GAK: variants seen among roughly 807,000 people sequenced by gnomAD.
The protein encoded by GAK is cyclin G associated kinase, also known as cyclin-G-associated kinase.
A neutral mutation model predicts 143.9 loss-of-function variants in GAK; 79 were observed. That is an observed-to-expected ratio of 0.55 (90% CI 0.46 to 0.66). The LOEUF (loss-of-function observed/expected upper bound fraction) is 0.66, where lower values mean the gene tolerates loss of function less well. GAK is among the 30% of genes least tolerant of loss of function. The probability of loss-of-function intolerance (pLI) is 0.00; values close to 1 mark genes in which losing one functional copy is unlikely to be tolerated. For missense variants in GAK, 1,693 were observed against 1,779.7 expected (o/e 0.95, Z 0.88); for synonymous variants, 881 against 765.5 (o/e 1.15, Z -2.49).
In GAK at chr4:883,354, C is replaced by T. The variant is rs908891182; in HGVS notation, c.1365G>A (p.Leu455=). Residue 455 remains leucine, a synonymous_variant, in exon 13 of 28, where the codon CTG becomes CTA. Coordinates refer to ENST00000314167, the MANE Select transcript of GAK (RefSeq NM_005255.4). The part of the protein sequence containing the change: ...KHPGHYAVYN[L]SPRTYRPSRF... ...TGGAGGGCCGGTAGGTCCTCGGGGA[C>T]AGGTTGTAGACGGCATAGTGCCCTG... 6.2e-7 allele frequency: 1 copy of T among 1,613,650 alleles called. No homozygotes were observed. The highest frequency in any genetic ancestry group is 8.5e-7 in the Non-Finnish European group (1 of 1,180,008).
At chr4:916,770 T>G (rs1439972739) in intron 1 of GAK, among the ~76,000 whole-genome samples, 2 of 152,232 alleles carry the variant, frequency 1.3e-5, no homozygotes, top group African/African-American at 4.8e-5. Context: ...ACAATCACTC[T>G]GGAAAACATG....
chr4:902,318 T>A (rs368700495), intron 5 of GAK, among the ~76,000 whole-genome samples: 1 of 151,408 alleles, frequency 6.6e-6, no homozygotes, highest in Non-Finnish European at 1.5e-5. Flanking sequence ...CTTTAAAACT[T>A]TGGCAGCCTG....
At chr4:881,138 C>T (rs1490066333) in intron 15 of GAK, among the ~76,000 whole-genome samples, 1 of 152,208 alleles carries the variant, frequency 6.6e-6, no homozygotes, top group Non-Finnish European at 1.5e-5. Context: ...CTGTGCGCCC[C>T]ATCCAGAGGG....
chr4:877,551 C>T (rs536270102), intron 16 of GAK, 64 bp downstream of exon 16: 9 of 1,497,118 alleles, frequency 6.0e-6, no homozygotes, highest in Non-Finnish European at 7.2e-6. Flanking sequence ...CAGGGTTCCT[C>T]TTTAACGGTT....
intron 18 of GAK, among the ~76,000 whole-genome samples, chr4:874,929 C>G (rs1713523813): frequency 6.6e-6 from 1 of 152,202 alleles, no homozygotes. Flanking sequence ...TCTACCAATT[C>G]AGAGTCTGTT....
At chr4:882,177 G>A in intron 14 of GAK, 137 bp from the exon 15 acceptor site, 1 of 984,046 alleles carries the variant, frequency 1.0e-6, no homozygotes, top group Non-Finnish European at 1.5e-6. Context: ...ATATGTTTAG[G>A]GAGCTACATA....
At chr4:916,685 C>T (rs1008515785) in intron 1 of GAK, among the ~76,000 whole-genome samples, 1 of 152,146 alleles carries the variant, frequency 6.6e-6, no homozygotes, top group Non-Finnish European at 1.5e-5. Flanking sequence ...ATTTAAAAAC[C>T]GCCCAGACCA....
Position 865,030 on chromosome 4 carries a change from G to GA in GAK, c.3166+91dup, listed in dbSNP as rs1183080989. 4.0e-6 allele frequency: 6 copies of GA among 1,503,618 alleles called. No homozygotes were observed. The East Asian group carries it at 1.4e-4, about 35-fold the overall frequency. 93.1% of individuals were successfully genotyped at this position (1,503,618 alleles called of 1,614,324 possible). A position where few individuals can be genotyped will look rare whatever the true frequency, so the allele number is the denominator to read the frequency against. On this transcript the variant is annotated intron_variant, in intron 23 of 27. Coordinates refer to ENST00000314167, the MANE Select transcript of GAK (RefSeq NM_005255.4). ...CAGCCCTTCCTTCCTTCTCTGCGCA[G>GA]AGAGGGCCCTGTTACAGGTACGTGT...
rs747428729 is a variant in GAK, at chr4:890,539, G to A, written c.1074C>T (p.Tyr358=). The change falls in exon 10 of 28, where the codon TAC becomes TAT. Residue 358 remains tyrosine (Y), a synonymous_variant. Coordinates refer to ENST00000314167, the MANE Select transcript of GAK (RefSeq NM_005255.4). ...PPPVGPAGSG[Y]SGGLALAEYD... is the part of the protein sequence containing the mutation. ...ACAGGACAGGGCACTCACCTCCACT[G>A]TAGCCACTGCCAGCGGGGCCCACGG... The A allele has an allele frequency of 2.1e-5, 33 of 1,607,598 alleles. No homozygotes were observed. The highest frequency in any genetic ancestry group is 2.7e-5 in the African/African-American group (2 of 74,790).
chr4:929,925 G>C (rs1174935626), intron 1 of GAK, among the ~76,000 whole-genome samples: 4 of 152,198 alleles, frequency 2.6e-5, no homozygotes, highest in Admixed American at 2.0e-4. Flanking sequence ...ATCCCACAGT[G>C]AGAATATTTA....
intron 5 of GAK, among the ~76,000 whole-genome samples, chr4:904,306 G>A (rs7689271): frequency 4.2e-5 from 1 of 23,958 alleles, no homozygotes; most frequent in Non-Finnish European, 8.2e-5. Context: ...AGGGAGCCAC[G>A]ACCTTGTGGT....
At position 851,941 on chromosome 4, in the gene GAK, A is replaced by G; in HGVS notation, c.3317T>C (p.Ile1106Thr). ...TTTGGGCGTGGTGGCCGTTTTGGGA[A>G]TGAAGCCCCCAGGAGGGAATCCAGC... is the stretch of plus-strand genomic sequence containing the variant. The part of the protein sequence containing the change: ...SPAGFPPGGF[I>T]PKTATTPKGS... The change falls in exon 25 of 28, where the codon ATT becomes ACT. Residue 1106 changes from isoleucine (I) to threonine (T), a missense_variant. By Grantham distance (89) the Ile-to-Thr change is moderately conservative (BLOSUM62 -1). This residue lies in a region of GAK where 822 missense variants were observed against 788.7 expected (regional missense o/e 1.04). Transcript: ENST00000314167. 6.2e-7 allele frequency: 1 copy of G among 1,613,782 alleles called. No individual in the cohort carries two copies. Among genetic ancestry groups the G allele is most frequent in the South Asian group, 1.1e-5 (1 of 91,060 alleles).
intron 23 of GAK, among the ~76,000 whole-genome samples, chr4:864,006 C>T (rs1384254648): frequency 6.6e-6 from 1 of 151,954 alleles, no homozygotes; most frequent in Non-Finnish European, 1.5e-5. Flanking sequence ...GCCTGTGCAA[C>T]AGAACAAGAC....
intron 21 of GAK, 96 bp from the exon 22 acceptor site, chr4:866,630 A>G: frequency 7.3e-7 from 1 of 1,369,412 alleles, no homozygotes; most frequent in African/African-American, 1.4e-5. Flanking sequence ...AGGCCACTCC[A>G]GCTGGGCAGC....
intron 10 of GAK, 37 bp downstream of exon 10, chr4:890,495 C>T (rs373135959): frequency 8.6e-6 from 13 of 1,512,760 alleles, no homozygotes; most frequent in East Asian, 7.1e-5. Context: ...GCAGCAGGAG[C>T]GAGGGACAGG....
intron 1 of GAK, among the ~76,000 whole-genome samples, chr4:922,641 C>T (rs1490218051): frequency 6.6e-6 from 1 of 152,034 alleles, no homozygotes; most frequent in African/African-American, 2.4e-5. Context: ...ATTTCTACTG[C>T]TCCCCACTCA....
In GAK at chr4:896,561, C is replaced by T. The variant is rs1040923036; in HGVS notation, c.652-12G>A. On this transcript the variant is annotated splice_polypyrimidine_tract_variant and intron_variant, in intron 6 of 27. Transcript: ENST00000314167. ...GTATTCCTCGTGATCTGAAAAAATACAAACATTTCAAAGGAAAAGTTGCAT... is the reference window on the plus strand; with the variant it reads ...GTATTCCTCGTGATCTGAAAAAATATAAACATTTCAAAGGAAAAGTTGCAT... 1 of 1,592,928 alleles carries T rather than the reference C, an allele frequency of 6.3e-7. No individual in the cohort carries two copies. Among genetic ancestry groups the T allele is most frequent in the Non-Finnish European group, 8.6e-7 (1 of 1,160,846 alleles).
At chr4:914,695 CAG>C (rs1233952191) in intron 1 of GAK, among the ~76,000 whole-genome samples, 4 of 120,542 alleles carry the variant, frequency 3.3e-5, no homozygotes, top group African/African-American at 9.9e-5. Context: ...CCCCAACACA[CAG>C]AGCCCCAGCA....
chr4:849,831 A>AGGGGGGG, intron 27 of GAK, 57 bp from the exon 28 acceptor site: 14 of 998,964 alleles, frequency 1.4e-5, no homozygotes, highest in Non-Finnish European at 1.9e-5. Context: ...CGGGCGGGGC[A>AGGGGGGG]GGACCCCCCC....
Sources: allele counts gnomAD v4.1 joint callset (sites outside exome capture counted in the v4.1 genomes callset), GRCh38; gene constraint gnomAD v4.1.1; regional missense constraint gnomAD v4.1.1; transcripts MANE v1.5; gene names NCBI Gene and HGNC (gene_info 2026-07-23, HGNC 2026-07-21).